The following KATNIP variants were observed in gnomAD, a reference collection of about 807,000 sequenced individuals.
The protein encoded by KATNIP is katanin interacting protein, also known as katanin-interacting protein.
KATNIP carries 126 observed loss-of-function variants against 174.0 expected under a neutral mutation model. That is an observed-to-expected ratio of 0.72 (90% CI 0.63 to 0.84). KATNIP has a LOEUF of 0.84. KATNIP is among the 40% of genes least tolerant of loss of function. KATNIP has a pLI of 0.00. For synonymous variants in KATNIP, 810 were observed against 835.7 expected (o/e 0.97, Z 0.53); for missense variants, 1,958 against 2,109.7 (o/e 0.93, Z 1.41).
At position 27,700,925 on chromosome 16, in the gene KATNIP, C is replaced by T. The variant is rs911397999; in HGVS notation, c.1180-664C>T. Among the ~76,000 whole-genome samples the T allele has an allele frequency of 7.2e-5, 11 of 152,246 alleles. No homozygotes were observed. In the East Asian group the frequency reaches 1.5e-3, roughly 21 times the overall value. ...CAGGCCTGCAGTAACTGCCCAGGTC[C>T]GGAATTTCTGAATGACCTAATTCCT... On this transcript the variant is annotated intron_variant, in intron 10 of 27. Coordinates refer to ENST00000261588, the MANE Select transcript of KATNIP (RefSeq NM_015202.5).
chr16:27,610,742 C>T (rs1322844923), intron 2 of KATNIP, among the ~76,000 whole-genome samples: 5 of 152,188 alleles, frequency 3.3e-5, no homozygotes, highest in Admixed American at 3.3e-4. Flanking sequence ...GCCCCCAAAT[C>T]ACTAAACTAA....
intron 19 of KATNIP, among the ~76,000 whole-genome samples, chr16:27,762,754 A>G (rs181751485): frequency 6.6e-6 from 1 of 152,206 alleles, no homozygotes; most frequent in East Asian, 1.9e-4. Flanking sequence ...TTAACTGCTC[A>G]TGGGCCCCTC....
intron 21 of KATNIP, 71 bp downstream of exon 21, chr16:27,770,089 G>C (rs1318186945): frequency 6.6e-7 from 1 of 1,521,128 alleles, no homozygotes; most frequent in African/African-American, 1.4e-5. Flanking sequence ...AAGTTGCTCT[G>C]ATGTACATTC....
intron 3 of KATNIP, among the ~76,000 whole-genome samples, chr16:27,624,493 T>C (rs2076277961): frequency 6.6e-6 from 1 of 152,118 alleles, no homozygotes; most frequent in African/African-American, 2.4e-5. Flanking sequence ...CTGCCCCAAC[T>C]TGAGATCCTT....
Position 27,681,391 on chromosome 16 carries a change from T to C in KATNIP, c.809-8T>C, listed in dbSNP as rs773266792. On this transcript the variant is annotated splice_polypyrimidine_tract_variant and splice_region_variant and intron_variant, in intron 7 of 27. Coordinates refer to ENST00000261588, the MANE Select transcript of KATNIP (RefSeq NM_015202.5). ...AGCGTCTTACATGAAACAATTGTTT[T>C]CCTACAGGTCATAAAAGGGAAAGGA... 6.2e-7 allele frequency: 1 copy of C among 1,614,146 alleles called. No individual in the cohort carries two copies. The highest frequency in any genetic ancestry group is 1.1e-5 in the South Asian group (1 of 91,070).
intron 8 of KATNIP, among the ~76,000 whole-genome samples, chr16:27,691,933 C>T (rs184202812): frequency 1.3e-5 from 2 of 152,284 alleles, no homozygotes; most frequent in East Asian, 1.9e-4. Context: ...CAGATCATCC[C>T]GCCTGCTCAC....
chr16:27,586,128 A>T (rs1214685041), intron 2 of KATNIP, among the ~76,000 whole-genome samples: 1 of 152,072 alleles, frequency 6.6e-6, no homozygotes, highest in African/African-American at 2.4e-5. Context: ...AACTAAAAGA[A>T]TATACTTGGG....
chr16:27,555,018 G>A (rs568891651), intron 1 of KATNIP, among the ~76,000 whole-genome samples: 23 of 151,882 alleles, frequency 1.5e-4, no homozygotes, highest in African/African-American at 5.3e-4. Flanking sequence ...GGCTGGTCTC[G>A]AACTCCTGAC....
chr16:27,665,488 C>T (rs945314318), intron 6 of KATNIP, among the ~76,000 whole-genome samples: 1 of 152,116 alleles, frequency 6.6e-6, no homozygotes, highest in African/African-American at 2.4e-5. Flanking sequence ...CTGCAGCCTC[C>T]CCAGCTGTGG....
rs574387876 is a variant in KATNIP at position 27,673,302 on chromosome 16, A to G, written c.541-4427A>G. 6.6e-4 allele frequency among the ~76,000 whole-genome samples: 101 copies of G among 152,326 alleles called. 1 individual carries two copies. The highest frequency in any genetic ancestry group is 2.4e-3 in the African/African-American group (98 of 41,584). ...CATTATTCTACCGTAAAGGATTACT[A>G]GTTTTACAGCTGCCGAAATTGTTGT... On this transcript the variant is annotated intron_variant, in intron 6 of 27. Transcript: ENST00000261588.
intron 8 of KATNIP, among the ~76,000 whole-genome samples, chr16:27,686,801 A>G (rs1435696922): frequency 6.6e-6 from 1 of 152,106 alleles, no homozygotes; most frequent in Non-Finnish European, 1.5e-5. Flanking sequence ...TTCTTGACTT[A>G]CTAGGGTTTA....
chr16:27,742,201 C>T (rs776840669), intron 15 of KATNIP, among the ~76,000 whole-genome samples: 1 of 152,110 alleles, frequency 6.6e-6, no homozygotes, highest in South Asian at 2.1e-4. Context: ...CTGGAGAGTA[C>T]GGATAGCAGC....
chr16:27,560,082 G>A (rs1188761897), intron 1 of KATNIP, among the ~76,000 whole-genome samples: 1 of 151,942 alleles, frequency 6.6e-6, no homozygotes, highest in Admixed American at 6.6e-5. Flanking sequence ...AGGAGTTCAA[G>A]ACTAGCCTGG....
intron 2 of KATNIP, among the ~76,000 whole-genome samples, chr16:27,612,188 T>A (rs1567493246): frequency 6.6e-6 from 1 of 152,206 alleles, no homozygotes; most frequent in African/African-American, 2.4e-5. Context: ...TTTCCACTGT[T>A]ACTGCATCCA....
intron 2 of KATNIP, among the ~76,000 whole-genome samples, chr16:27,598,039 G>A (rs1211840398): frequency 1.3e-5 from 2 of 152,102 alleles, no homozygotes; most frequent in African/African-American, 4.8e-5. Context: ...ACCAGCCTGG[G>A]CAACATGACG....
intron 3 of KATNIP, among the ~76,000 whole-genome samples, chr16:27,620,239 A>G (rs2076154149): frequency 6.6e-6 from 1 of 152,352 alleles, no homozygotes; most frequent in South Asian, 2.1e-4. Context: ...ATGACAGGAA[A>G]TTAGAAGGTA....
intron 2 of KATNIP, among the ~76,000 whole-genome samples, chr16:27,606,998 A>G (rs1343292192): frequency 6.6e-6 from 1 of 152,112 alleles, no homozygotes; most frequent in South Asian, 2.1e-4. Flanking sequence ...CCTGGCTCAT[A>G]TCACTAGTAA....
intron 1 of KATNIP, among the ~76,000 whole-genome samples, chr16:27,552,686 G>GTTTT (rs768836183): frequency 1.4e-4 from 13 of 94,366 alleles, no homozygotes; most frequent in Middle Eastern, 0.01. Context: ...GCAAGTGGCA[G>GTTTT]TTTTTTTTTT....
Position 27,637,099 on chromosome 16 carries a change from A to T in KATNIP, c.408+5937A>T, listed in dbSNP as rs1202112814. ...TAATTAATGAGGGCAATTAATGAGG[A>T]TCAGTGGGGTCTGTGTTTGGAGAGA... On this transcript the variant is annotated intron_variant, in intron 5 of 27. Coordinates refer to ENST00000261588, the MANE Select transcript of KATNIP (RefSeq NM_015202.5). The surrounding 1 kb of genome is among the most constrained non-coding windows in gnomAD (Gnocchi z 4.7). Among the ~76,000 whole-genome samples, 1 of 152,312 alleles carries T rather than the reference A, an allele frequency of 6.6e-6. No individual in the cohort carries two copies. The highest frequency in any genetic ancestry group is 2.1e-4 in the South Asian group (1 of 4,830).
Sources: allele counts gnomAD v4.1 joint callset (sites outside exome capture counted in the v4.1 genomes callset), GRCh38; gene constraint gnomAD v4.1.1; non-coding constraint Gnocchi (gnomAD v3.1); transcripts MANE v1.5; gene names NCBI Gene and HGNC (gene_info 2026-07-23, HGNC 2026-07-21).